FAM3C: variants seen among roughly 807,000 people sequenced by gnomAD.
FAM3C encodes the protein FAM3 metabolism regulating signaling molecule C.
In FAM3C, 15 loss-of-function variants were observed where a neutral mutation model predicts 32.5. The ratio of observed to expected loss-of-function variants is 0.46; its 90% CI spans 0.31 to 0.71. The LOEUF (loss-of-function observed/expected upper bound fraction) is 0.71, where lower values mean the gene tolerates loss of function less well. Ranked by LOEUF, FAM3C falls within the 30% of genes least tolerant of loss-of-function variation. FAM3C has a pLI of 0.05. For missense variants in FAM3C, 175 were observed against 274.4 expected (o/e 0.64, Z 2.56); for synonymous variants, 75 against 86.1 (o/e 0.87, Z 0.72).
intron 8 of FAM3C, among the ~76,000 whole-genome samples, chr7:121,352,219 C>T (rs143507843): frequency 1.3e-4 from 20 of 152,228 alleles, no homozygotes; most frequent in African/African-American, 4.3e-4. Context: ...TTCTTTCAAA[C>T]CTCTCATGCT....
chr7:121,364,332 A>G lies in FAM3C; in HGVS notation c.273-144T>C, dbSNP rs558214714. On this transcript the variant is annotated intron_variant, in intron 5 of 9. Transcript: ENST00000359943. ...TGCGGAGGAAATTAAAAAGATCTCT[A>G]CTAAGTCAGAGAAGACAGTCTAATA... 6.5e-6 allele frequency: 4 copies of G among 610,934 alleles called. No homozygotes were observed. The East Asian group carries it at 1.1e-4, about 17-fold the overall frequency. The allele number at this position is 610,934 out of a possible 1,614,324, so 37.8% of individuals were successfully genotyped here.
chr7:121,366,975 T>A (rs960141206), intron 5 of FAM3C, among the ~76,000 whole-genome samples: 2 of 152,038 alleles, frequency 1.3e-5, no homozygotes, highest in African/African-American at 4.8e-5. Flanking sequence ...AAATCTATCA[T>A]AAAGCAAAGA....
intron 3 of FAM3C, among the ~76,000 whole-genome samples, chr7:121,374,346 AACT>A (rs1794202178): frequency 1.3e-5 from 2 of 152,378 alleles, no homozygotes; most frequent in Admixed American, 6.5e-5. Flanking sequence ...TGGTAATTTC[AACT>A]ACTAATTGTA....
At chr7:121,372,222 A>G (rs559719910) in intron 3 of FAM3C, 83 bp from the exon 4 acceptor site, 6 of 864,446 alleles carry the variant, frequency 6.9e-6, no homozygotes, top group African/African-American at 1.7e-5. Context: ...GGTCCACAAA[A>G]ATAAGTGTTC....
chr7:121,365,769 C>G (rs1416327651), intron 5 of FAM3C, among the ~76,000 whole-genome samples: 1 of 151,944 alleles, frequency 6.6e-6, no homozygotes, highest in Admixed American at 6.6e-5. Context: ...ACAAGAAACT[C>G]ACTTTAAATA....
intron 1 of FAM3C, among the ~76,000 whole-genome samples, chr7:121,386,023 G>A (rs547287016): frequency 8.5e-5 from 13 of 152,262 alleles, no homozygotes; most frequent in African/African-American, 2.9e-4. Context: ...TAATATAAGA[G>A]GCTTGTTGAC....
intron 7 of FAM3C, 148 bp from the exon 8 acceptor site, chr7:121,360,275 AG>A: frequency 1.8e-6 from 1 of 568,660 alleles, no homozygotes; most frequent in South Asian, 2.4e-5. Flanking sequence ...AATCTCATAA[AG>A]AGTTTAAAAA....
intron 8 of FAM3C, among the ~76,000 whole-genome samples, chr7:121,356,781 A>C (rs547230831): frequency 2.0e-5 from 3 of 152,298 alleles, no homozygotes; most frequent in African/African-American, 7.2e-5. Context: ...ACAATTGGCA[A>C]GTTTAGCTTG....
At position 121,351,216 on chromosome 7, in the gene FAM3C, G is replaced by A. The variant is rs746395241; in HGVS notation, c.521C>T (p.Thr174Ile). ...LIADLGSTSITNLGFRDNWVF... is the reference protein window; with the variant it reads ...LIADLGSTSIINLGFRDNWVF... Reference sequence around the variant, plus strand: ...CCAGTTGTCTCTAAAACCAAGATTAGTAATAGATGTGCTCCCCAAATCAGC... The same window carrying A: ...CCAGTTGTCTCTAAAACCAAGATTAATAATAGATGTGCTCCCCAAATCAGC... The change falls in exon 9 of 10, where the codon ACT becomes ATT. Residue 174 changes from threonine (T) to isoleucine (I), a missense_variant. Thr to Ile is a moderately conservative substitution (Grantham distance 89). Coordinates refer to ENST00000359943, the MANE Select transcript of FAM3C (RefSeq NM_014888.3). The A allele has an allele frequency of 4.3e-6, 7 of 1,613,600 alleles. No homozygotes were observed. The Admixed American group carries it at 6.7e-5, about 15-fold the overall frequency.
At chr7:121,370,830 T>C (rs965151906) in intron 5 of FAM3C, among the ~76,000 whole-genome samples, 3 of 152,210 alleles carry the variant, frequency 2.0e-5, no homozygotes, top group South Asian at 2.1e-4. Context: ...ATGTTGCAAA[T>C]AGGATTTCTG....
chr7:121,361,827 T>C (rs954290685), intron 7 of FAM3C, among the ~76,000 whole-genome samples: 2 of 152,120 alleles, frequency 1.3e-5, no homozygotes, highest in Non-Finnish European at 2.9e-5. Context: ...TAAAGGTGCA[T>C]GCCACCATGC....
At chr7:121,376,838 C>A (rs1165701561) in intron 3 of FAM3C, among the ~76,000 whole-genome samples, 1 of 152,152 alleles carries the variant, frequency 6.6e-6, no homozygotes. Flanking sequence ...TCAGCCTCAC[C>A]TTGGAGCTGT....
intron 6 of FAM3C, 128 bp from the exon 7 acceptor site, chr7:121,363,075 G>A (rs1562885590): frequency 7.4e-6 from 4 of 537,310 alleles, no homozygotes; most frequent in Non-Finnish European, 1.3e-5. Context: ...TAGCATTAGA[G>A]AGATGTGAAT....
intron 9 of FAM3C, 59 bp downstream of exon 9, chr7:121,351,084 T>C (rs1793694112): frequency 1.3e-6 from 2 of 1,486,166 alleles, no homozygotes; most frequent in Admixed American, 1.9e-5. Flanking sequence ...GATGGGAAAA[T>C]GTACCGTAAG....
chr7:121,364,200 G>C lies in FAM3C; in HGVS notation c.273-12C>G. 6.5e-7 allele frequency: 1 copy of C among 1,530,014 alleles called. No individual in the cohort carries two copies. Among genetic ancestry groups the C allele is most frequent in the Non-Finnish European group, 9.0e-7 (1 of 1,105,936 alleles). The allele number at this position is 1,530,014 out of a possible 1,614,324, so 94.8% of individuals were successfully genotyped here. On this transcript the variant is annotated splice_polypyrimidine_tract_variant and intron_variant, in intron 5 of 9. Coordinates refer to ENST00000359943, the MANE Select transcript of FAM3C (RefSeq NM_014888.3). ...CACCACTCATTAAACTGAAGGGGGA[G>C]AAATTGAAATAAATTTAGAATTAAA...
At chr7:121,361,078 T>C (rs887381670) in intron 7 of FAM3C, among the ~76,000 whole-genome samples, 1 of 152,220 alleles carries the variant, frequency 6.6e-6, no homozygotes, top group East Asian at 1.9e-4. Flanking sequence ...TAGCAAATAT[T>C]ACAGTCATTA....
At chr7:121,360,180 C>T (rs969405315) in intron 7 of FAM3C, 53 bp from the exon 8 acceptor site, 17 of 887,304 alleles carry the variant, frequency 1.9e-5, no homozygotes, top group Middle Eastern at 2.2e-4. Flanking sequence ...ATAAGCATCA[C>T]GATAATCTCT....
intron 7 of FAM3C, 127 bp from the exon 8 acceptor site, chr7:121,360,254 A>G: frequency 1.7e-6 from 1 of 589,134 alleles, no homozygotes; most frequent in South Asian, 2.2e-5. Flanking sequence ...AAGTAATCCA[A>G]AAGACAGACA....
intron 7 of FAM3C, among the ~76,000 whole-genome samples, chr7:121,360,664 C>T (rs7807953): frequency 0.29 from 44,271 of 151,794 alleles, 6,783 homozygotes; most frequent in African/African-American, 0.38. Context: ...GAGACCTCAT[C>T]TCAACAAAAA....
Sources: allele counts gnomAD v4.1 joint callset (sites outside exome capture counted in the v4.1 genomes callset), GRCh38; gene constraint gnomAD v4.1.1; transcripts MANE v1.5; gene names NCBI Gene and HGNC (gene_info 2026-07-23, HGNC 2026-07-21).